HSF5: variants seen among roughly 807,000 people sequenced by gnomAD.
The protein encoded by HSF5 is heat shock transcription factor 5, also known as heat shock factor protein 5.
HSF5 carries 5 observed loss-of-function variants against 50.8 expected under a neutral mutation model. That is an observed-to-expected ratio of 0.10 (90% confidence interval 0.05 to 0.21). The LOEUF is 0.21. Ranked by LOEUF, HSF5 falls within the 10% of genes least tolerant of loss-of-function variation. The pLI is 1.00. For synonymous variants in HSF5, 307 were observed against 307.4 expected (o/e 1.00, Z 0.02); for missense variants, 564 against 762.6 (o/e 0.74, Z 3.07).
intron 5 of HSF5, among the ~76,000 whole-genome samples, chr17:58,450,965 T>G (rs1031357797): frequency 6.6e-6 from 1 of 151,924 alleles, no homozygotes; most frequent in Non-Finnish European, 1.5e-5. Context: ...GGTGGGCGCC[T>G]GTAATCCCAG....
At chr17:58,482,220 G>A (rs1975107641) in intron 1 of HSF5, among the ~76,000 whole-genome samples, 1 of 152,038 alleles carries the variant, frequency 6.6e-6, no homozygotes, top group African/African-American at 2.4e-5. Flanking sequence ...CTAATAGGGG[G>A]AAAAAATCCT....
intron 5 of HSF5, among the ~76,000 whole-genome samples, chr17:58,455,882 T>G (rs528268553): frequency 9.2e-5 from 14 of 152,210 alleles, no homozygotes; most frequent in African/African-American, 3.4e-4. Flanking sequence ...ATGCTATTTG[T>G]AGGAATGTAA....
chr17:58,487,750 GGGC>G lies in HSF5; in HGVS notation c.522_524del (p.Pro175del). The G allele has an allele frequency of 3.6e-6, 5 of 1,380,386 alleles. No homozygotes were observed. The South Asian group carries it at 5.2e-5, about 14-fold the overall frequency. 85.5% of individuals were successfully genotyped at this position (1,380,386 alleles called of 1,614,324 possible). A position where few individuals can be genotyped will look rare whatever the true frequency, so the allele number is the denominator to read the frequency against. ...CGTGCGGCTCGGGCCGGGGCCCCGC[GGGC>G]GGCGGCGGCTGCTGGTGCTGCAGTG... On this transcript the variant is annotated inframe_deletion, in exon 1 of 6. Coordinates refer to ENST00000323777, the MANE Select transcript of HSF5 (RefSeq NM_001080439.3).
intron 2 of HSF5, among the ~76,000 whole-genome samples, chr17:58,473,050 A>AG (rs1196459783): frequency 6.6e-6 from 1 of 152,198 alleles, no homozygotes; most frequent in African/African-American, 2.4e-5. Flanking sequence ...GCAGACAGGC[A>AG]GGGGGGCAGG....
At chr17:58,482,699 G>T (rs184052889) in intron 1 of HSF5, among the ~76,000 whole-genome samples, 18 of 74,214 alleles carry the variant, frequency 2.4e-4, no homozygotes, top group African/African-American at 1.0e-3. Flanking sequence ...AACACAGCAA[G>T]ACTCCATCTC....
intron 2 of HSF5, among the ~76,000 whole-genome samples, chr17:58,473,898 C>T (rs985129221): frequency 2.6e-5 from 4 of 151,634 alleles, no homozygotes; most frequent in Admixed American, 6.6e-5. Context: ...AGGTCTTGCT[C>T]GCAATGGCAC....
Position 58,464,903 on chromosome 17 carries a change from T to C in HSF5, c.1021-1600A>G, listed in dbSNP as rs941688578. On this transcript the variant is annotated intron_variant, in intron 3 of 5. Transcript: ENST00000323777. ...CCACCTCAGCCTCCCAAAATGGTGC[T>C]GGGATTACAGGCGTGAGCCACCACG... Among the ~76,000 whole-genome samples the C allele has an allele frequency of 4.0e-5, 6 of 151,406 alleles. No individual in the cohort carries two copies. In the East Asian group the frequency reaches 1.2e-3, roughly 29 times the overall value.
chr17:58,474,624 TAACA>T (rs1282774702), intron 2 of HSF5, among the ~76,000 whole-genome samples: 5 of 152,204 alleles, frequency 3.3e-5, no homozygotes, highest in African/African-American at 1.2e-4. Flanking sequence ...ACAATAATTT[TAACA>T]AACAGCAGTT....
chr17:58,477,755 C>T (rs763294183), intron 2 of HSF5, among the ~76,000 whole-genome samples: 11 of 151,876 alleles, frequency 7.2e-5, no homozygotes, highest in Non-Finnish European at 1.2e-4. Flanking sequence ...CCACCGTGCC[C>T]GGCCACTCCA....
intron 5 of HSF5, among the ~76,000 whole-genome samples, chr17:58,430,316 C>A (rs181095644): frequency 1.3e-5 from 2 of 152,164 alleles, no homozygotes; most frequent in African/African-American, 2.4e-5. Flanking sequence ...AGATTATCTA[C>A]CCACCTCAGC....
intron 5 of HSF5, among the ~76,000 whole-genome samples, chr17:58,425,087 G>A (rs1974276973): frequency 6.6e-6 from 1 of 151,964 alleles, no homozygotes; most frequent in African/African-American, 2.4e-5. Context: ...TCATGCCACT[G>A]AACTGTATAC....
intron 1 of HSF5, among the ~76,000 whole-genome samples, chr17:58,483,036 C>T (rs1228080344): frequency 6.6e-6 from 1 of 152,140 alleles, no homozygotes. Context: ...GACACCCCCT[C>T]CTTTTTTTCT....
intron 5 of HSF5, among the ~76,000 whole-genome samples, chr17:58,425,575 CAA>C (rs66502039): frequency 3.6e-4 from 12 of 32,984 alleles, no homozygotes; most frequent in African/African-American, 4.4e-4. Flanking sequence ...ACCTCTATCT[CAA>C]AAAAAAAAAA....
chr17:58,448,327 C>T (rs1974589457), intron 5 of HSF5, among the ~76,000 whole-genome samples: 2 of 151,888 alleles, frequency 1.3e-5, no homozygotes, highest in South Asian at 4.2e-4. Flanking sequence ...TTGAAATAAA[C>T]AGTAACAGAA....
intron 1 of HSF5, among the ~76,000 whole-genome samples, chr17:58,484,369 C>A (rs1359191984): frequency 6.6e-6 from 1 of 152,058 alleles, no homozygotes; most frequent in Non-Finnish European, 1.5e-5. Flanking sequence ...AATCAGATGC[C>A]AGATGGCCCT....
At chr17:58,466,732 TC>T (rs1974872692) in intron 3 of HSF5, among the ~76,000 whole-genome samples, 152 bp downstream of exon 3, 1 of 151,998 alleles carries the variant, frequency 6.6e-6, no homozygotes, top group South Asian at 2.1e-4. Context: ...ATCAATTCTC[TC>T]TTTTTTTTTT....
In HSF5 at chr17:58,480,069, T is replaced by A; in HGVS notation, c.749A>T (p.Asp250Val). 2 of 1,614,150 alleles carry A rather than the reference T, an allele frequency of 1.2e-6. No individual in the cohort carries two copies. The highest frequency in any genetic ancestry group is 1.7e-6 in the Non-Finnish European group (2 of 1,180,010). ...GAGTACAGGAAACGGAACCCCTTTATCTGAAAATGTGGGAGATGTCTCCAC... is the reference window on the plus strand; with the variant it reads ...GAGTACAGGAAACGGAACCCCTTTAACTGAAAATGTGGGAGATGTCTCCAC... ...GQVETSPTFS[D>V]KGVPFPVLQR... Residue 250 changes from aspartate to valine, a missense_variant, in exon 2 of 6, where the codon GAT becomes GTT. Physicochemically the swap from Asp to Val is radical, Grantham distance 152. Coordinates refer to ENST00000323777, the MANE Select transcript of HSF5 (RefSeq NM_001080439.3).
chr17:58,454,201 C>T (rs996500054), intron 5 of HSF5, among the ~76,000 whole-genome samples: 1 of 150,614 alleles, frequency 6.6e-6, no homozygotes, highest in Non-Finnish European at 1.5e-5. Flanking sequence ...CGAGAAACAC[C>T]CAAGAATGAT....
intron 4 of HSF5, among the ~76,000 whole-genome samples, chr17:58,459,885 A>G (rs1023885118): frequency 3.3e-5 from 5 of 152,174 alleles, no homozygotes; most frequent in Non-Finnish European, 5.9e-5. Context: ...GGCCATAGGC[A>G]TGATCCTGTT....
Sources: gnomAD v4.1 joint callset for allele counts (sites outside exome capture counted in the v4.1 genomes callset) on GRCh38, gnomAD v4.1.1 for gene constraint, MANE v1.5 for transcripts, NCBI Gene and HGNC (gene_info 2026-07-23, HGNC 2026-07-21) for gene names.